ZMYND11: variants seen among roughly 807,000 people sequenced by gnomAD.
ZMYND11 encodes zinc finger MYND domain-containing protein 11.
A neutral mutation model predicts 84.9 loss-of-function variants in ZMYND11; 9 were observed. The ratio of observed to expected loss-of-function variants is 0.11; its 90% CI spans 0.06 to 0.18. ZMYND11 has a LOEUF of 0.18. Ranked by LOEUF, ZMYND11 falls within the 10% of genes least tolerant of loss-of-function variation. The pLI, the probability that ZMYND11 is intolerant of heterozygous loss-of-function variation, is 1.00. For missense variants in ZMYND11, 409 were observed against 761.0 expected (o/e 0.54, Z 5.44); for synonymous variants, 250 against 244.1 (o/e 1.02, Z -0.23).
chr10:144,838 C>A (rs1437773875), intron 1 of ZMYND11, among the ~76,000 whole-genome samples: 1 of 149,910 alleles, frequency 6.7e-6, no homozygotes, highest in Non-Finnish European at 1.5e-5. Flanking sequence ...GATTTTAGTG[C>A]ACCCATCACC....
At chr10:130,804 A>C (rs560960008), upstream of ZMYND11, among the ~76,000 whole-genome samples, 2 of 152,354 alleles carry the variant, frequency 1.3e-5, no homozygotes, top group South Asian at 4.1e-4. Context: ...ACTAGTGCAT[A>C]TTCTTCTACA....
At chr10:180,602 T>C (rs1250035642) in intron 2 of ZMYND11, among the ~76,000 whole-genome samples, 1 of 152,218 alleles carries the variant, frequency 6.6e-6, no homozygotes, top group African/African-American at 2.4e-5. Flanking sequence ...GGTTTCACCA[T>C]GTTGGCCAGG....
At chr10:220,877 A>C (rs1397895885) in intron 3 of ZMYND11, among the ~76,000 whole-genome samples, 1 of 152,232 alleles carries the variant, frequency 6.6e-6, no homozygotes, top group East Asian at 1.9e-4. Context: ...CAGTTTACTA[A>C]AGAAATTATT....
At chr10:135,273 C>T (rs1344956373), upstream of ZMYND11, 1 of 151,246 alleles carries the variant, frequency 6.6e-6, no homozygotes, top group Non-Finnish European at 1.5e-5. The surrounding 1 kb of genome is among the most constrained non-coding windows in gnomAD (Gnocchi z 5.6). Context: ...TAGCCTCCCT[C>T]GCTCAGGCGC....
rs1410870166 is a variant in ZMYND11, at chr10:161,863, G to A, written c.-19-18131G>A. Among the ~76,000 whole-genome samples the A allele has an allele frequency of 3.3e-5, 5 of 152,334 alleles. No individual in the cohort carries two copies. The Middle Eastern group carries it at 0.01, about 311-fold the overall frequency. ...TCAGACCACTAAAATATTTTCCAAAGCAGCAATAAGGCTGTTTTGCTTTCT... is the reference window on the plus strand; with the variant it reads ...TCAGACCACTAAAATATTTTCCAAAACAGCAATAAGGCTGTTTTGCTTTCT... On this transcript the variant is annotated intron_variant, in intron 1 of 14. Transcript: ENST00000381604.
chr10:159,652 A>G (rs943179907), intron 1 of ZMYND11, among the ~76,000 whole-genome samples: 2 of 152,194 alleles, frequency 1.3e-5, no homozygotes, highest in South Asian at 2.1e-4. Context: ...CTCTGAATTT[A>G]TAAGTTGCAA....
intron 4 of ZMYND11, among the ~76,000 whole-genome samples, chr10:235,087 G>A (rs188335362): frequency 9.4e-4 from 143 of 151,840 alleles, no homozygotes; most frequent in South Asian, 2.5e-3. Flanking sequence ...GCTCTATTTC[G>A]CCATTGCACG....
chr10:140,538 T>A (rs916710483), intron 1 of ZMYND11, among the ~76,000 whole-genome samples: 1 of 152,228 alleles, frequency 6.6e-6, no homozygotes, highest in Non-Finnish European at 1.5e-5. Flanking sequence ...GGAGAGAAAT[T>A]TGGCAAATTA....
At chr10:149,282 GTTGTTATTATTA>G (rs1411861882) in intron 1 of ZMYND11, among the ~76,000 whole-genome samples, 2 of 108,242 alleles carry the variant, frequency 1.8e-5, no homozygotes, top group African/African-American at 3.3e-5. Flanking sequence ...CACTGAGGTG[GTTGTTATTATTA>G]TTATTATTAT....
chr10:194,546 A>G (rs934459433), intron 2 of ZMYND11, among the ~76,000 whole-genome samples: 2 of 152,204 alleles, frequency 1.3e-5, no homozygotes, highest in African/African-American at 4.8e-5. Context: ...GCAATCTATG[A>G]GAGTTCCAAA....
intron 2 of ZMYND11, among the ~76,000 whole-genome samples, chr10:194,377 A>G (rs1311927595): frequency 6.6e-6 from 1 of 152,220 alleles, no homozygotes; most frequent in Admixed American, 6.5e-5. Context: ...TCAGGAGGCA[A>G]TTATGGCAAA....
At chr10:227,102 AAAG>A (rs1948271209) in intron 4 of ZMYND11, among the ~76,000 whole-genome samples, 1 of 152,236 alleles carries the variant, frequency 6.6e-6, no homozygotes, top group African/African-American at 2.4e-5. Flanking sequence ...ATGAGGAAAT[AAAG>A]AAGAATCTAT....
intron 10 of ZMYND11, among the ~76,000 whole-genome samples, chr10:243,318 CG>C (rs1951427699): frequency 6.6e-6 from 1 of 151,974 alleles, no homozygotes; most frequent in Non-Finnish European, 1.5e-5. Flanking sequence ...CAAGGAATAA[CG>C]GGGGAAAGTT....
At chr10:241,923 A>T in intron 9 of ZMYND11, 98 bp from the exon 10 acceptor site, 1 of 1,406,782 alleles carries the variant, frequency 7.1e-7, no homozygotes, top group Non-Finnish European at 9.7e-7. Flanking sequence ...GAAATATTTT[A>T]GAAATAATGG....
chr10:197,070 ATGTG>A (rs1941956975), intron 2 of ZMYND11, among the ~76,000 whole-genome samples: 1 of 150,800 alleles, frequency 6.6e-6, no homozygotes, highest in East Asian at 2.0e-4. Flanking sequence ...GTGTTCATGT[ATGTG>A]TATCAATACA....
At chr10:231,993 A>T (rs1051389299) in intron 4 of ZMYND11, among the ~76,000 whole-genome samples, 1 of 152,222 alleles carries the variant, frequency 6.6e-6, no homozygotes, top group Non-Finnish European at 1.5e-5. Flanking sequence ...ACCCTGTTAC[A>T]GGGAGGCCTT....
At chr10:242,578 T>TAA (rs1951223089) in intron 10 of ZMYND11, among the ~76,000 whole-genome samples, 1 of 152,208 alleles carries the variant, frequency 6.6e-6, no homozygotes, top group African/African-American at 2.4e-5. Context: ...TGCGTGGAAA[T>TAA]AAGCCATAAT....
chr10:216,746 T>C (rs550794361), intron 3 of ZMYND11, among the ~76,000 whole-genome samples: 226 of 152,296 alleles, frequency 1.5e-3, no homozygotes, highest in African/African-American at 5.2e-3. Context: ...CAAGAGGATT[T>C]TTTGGGTCAT....
intron 3 of ZMYND11, among the ~76,000 whole-genome samples, chr10:213,946 A>T (rs1447587470): frequency 6.6e-6 from 1 of 152,212 alleles, no homozygotes; most frequent in Non-Finnish European, 1.5e-5. Flanking sequence ...GAAATCTAGC[A>T]ATCATGTAAC....
Sources: allele counts gnomAD v4.1 joint callset (sites outside exome capture counted in the v4.1 genomes callset), GRCh38; gene constraint gnomAD v4.1.1; non-coding constraint Gnocchi (gnomAD v3.1); transcripts MANE v1.5; gene names NCBI Gene and HGNC (gene_info 2026-07-23, HGNC 2026-07-21).